Variants in CD48 observed in about 807,000 individuals in gnomAD.
CD48 encodes CD48 antigen.
A neutral mutation model predicts 22.0 loss-of-function variants in CD48; 20 were observed. The observed-to-expected ratio is 0.91, with a 90% CI of 0.64 to 1.32. The LOEUF is 1.32. Among genes scored for constraint, CD48 ranks in the 40% most tolerant of loss-of-function variants. The probability of loss-of-function intolerance (pLI) is 0.00; values close to 1 mark genes in which losing one functional copy is unlikely to be tolerated. For synonymous variants in CD48, 110 were observed against 110.1 expected (o/e 1.00, Z 0.01); for missense variants, 307 against 286.5 (o/e 1.07, Z -0.52).
intron 1 of CD48, chr1:160,686,559 C>T (rs886955797): frequency 1.3e-5 from 2 of 152,170 alleles, no homozygotes; most frequent in African/African-American, 4.8e-5. Flanking sequence ...AAGCAGCTAT[C>T]GGGGAATCTG....
At chr1:160,681,070 C>A (rs1272296781) in intron 3 of CD48, 132 bp downstream of exon 3, 1 of 1,529,586 alleles carries the variant, frequency 6.5e-7, no homozygotes, top group Non-Finnish European at 8.8e-7. Context: ...CCACGTCTCC[C>A]AGCTCTCCCA....
intron 1 of CD48, among the ~76,000 whole-genome samples, chr1:160,692,616 C>A (rs1662264434): frequency 6.6e-6 from 1 of 152,090 alleles, no homozygotes; most frequent in Non-Finnish European, 1.5e-5. Context: ...GGGAGCCATA[C>A]CCTCAGCCGC....
intron 1 of CD48, among the ~76,000 whole-genome samples, chr1:160,696,644 A>T (rs1404037975): frequency 6.6e-6 from 1 of 151,500 alleles, no homozygotes; most frequent in African/African-American, 2.4e-5. Flanking sequence ...GTTAACCCAG[A>T]GGTCTGTGTC....
chr1:160,708,806 T>C (rs942661807), intron 1 of CD48, among the ~76,000 whole-genome samples: 10 of 152,136 alleles, frequency 6.6e-5, no homozygotes, highest in African/African-American at 2.2e-4. Context: ...CACCTTGAAA[T>C]TGAGTAGGCT....
chr1:160,710,410 C>T (rs1467638697), intron 1 of CD48, among the ~76,000 whole-genome samples: 1 of 152,098 alleles, frequency 6.6e-6, no homozygotes, highest in Non-Finnish European at 1.5e-5. Flanking sequence ...GTGTTATAAC[C>T]CAGGTTTACT....
chr1:160,698,178 T>A (rs889201321), intron 1 of CD48, among the ~76,000 whole-genome samples: 2 of 152,160 alleles, frequency 1.3e-5, no homozygotes, highest in Non-Finnish European at 2.9e-5. Context: ...GGAAATATAG[T>A]TATTAAACCA....
chr1:160,706,312 G>T (rs1157513130), intron 1 of CD48, among the ~76,000 whole-genome samples: 1 of 152,128 alleles, frequency 6.6e-6, no homozygotes, highest in East Asian at 1.9e-4. Context: ...GACCTCAGGT[G>T]ATCCACCTGC....
intron 1 of CD48, among the ~76,000 whole-genome samples, chr1:160,697,937 T>C (rs1015387431): frequency 1.6e-4 from 25 of 152,128 alleles, no homozygotes; most frequent in African/African-American, 5.6e-4. Flanking sequence ...CCTTTGGGAA[T>C]GGGAAGAAAA....
rs568526088 is a variant in CD48, at chr1:160,678,858, T to A, written c.*194A>T. On this transcript the variant is annotated 3_prime_UTR_variant, in exon 4 of 4. Coordinates refer to ENST00000368046, the MANE Select transcript of CD48 (RefSeq NM_001778.4). ...AAGCATGTGTATCTCTATATCTCTG[T>A]GTACTAGAAAACAACAAAGGGATAT... The A allele has an allele frequency of 3.3e-5, 18 of 548,062 alleles. No homozygotes were observed. The highest frequency in any genetic ancestry group is 2.3e-5 in the Non-Finnish European group (7 of 306,618). 33.9% of individuals were successfully genotyped at this position (548,062 alleles called of 1,614,324 possible).
At chr1:160,691,143 T>G (rs4263943) in intron 1 of CD48, among the ~76,000 whole-genome samples, 44,710 of 151,926 alleles carry the variant, frequency 0.29, 7,260 homozygotes, top group Non-Finnish European at 0.38. Flanking sequence ...CCCCATGTGA[T>G]AGTCTGAAAT....
intron 1 of CD48, among the ~76,000 whole-genome samples, chr1:160,699,930 TTGTCTC>T (rs1662573374): frequency 6.6e-6 from 1 of 151,826 alleles, no homozygotes; most frequent in South Asian, 2.1e-4. Context: ...TCTCTATACT[TTGTCTC>T]TGTGTCTTTT....
intron 1 of CD48, among the ~76,000 whole-genome samples, chr1:160,702,448 T>A (rs1156437255): frequency 6.6e-6 from 1 of 152,138 alleles, no homozygotes; most frequent in African/African-American, 2.4e-5. Flanking sequence ...TCCTATTTGA[T>A]GTCGGGTCCA....
At chr1:160,698,067 T>A (rs1263275770) in intron 1 of CD48, among the ~76,000 whole-genome samples, 1 of 152,202 alleles carries the variant, frequency 6.6e-6, no homozygotes, top group African/African-American at 2.4e-5. Flanking sequence ...AATCAAACTT[T>A]AGAAACAAGA....
At chr1:160,708,047 G>T (rs892851674) in intron 1 of CD48, among the ~76,000 whole-genome samples, 1 of 152,190 alleles carries the variant, frequency 6.6e-6, no homozygotes, top group Non-Finnish European at 1.5e-5. Context: ...GGAATGCTTA[G>T]AGGGCATATA....
At chr1:160,700,495 T>C (rs1662592906) in intron 1 of CD48, among the ~76,000 whole-genome samples, 3 of 152,128 alleles carry the variant, frequency 2.0e-5, no homozygotes. Context: ...CTCCACTAAA[T>C]CATTATGTTG....
chr1:160,698,207 T>C (rs1044382738), intron 1 of CD48, among the ~76,000 whole-genome samples: 2 of 152,184 alleles, frequency 1.3e-5, no homozygotes, highest in Admixed American at 1.3e-4. Context: ...AACTATAACC[T>C]GTGAAAATTG....
At chr1:160,710,254 T>G (rs2102445242) in intron 1 of CD48, among the ~76,000 whole-genome samples, 1 of 152,332 alleles carries the variant, frequency 6.6e-6, no homozygotes, top group South Asian at 2.1e-4. Context: ...CAAGACAGTA[T>G]TCTCATCTGA....
intron 1 of CD48, among the ~76,000 whole-genome samples, chr1:160,689,784 A>G (rs943105173): frequency 6.6e-6 from 1 of 152,126 alleles, no homozygotes; most frequent in Non-Finnish European, 1.5e-5. Flanking sequence ...TCTGGTGGGT[A>G]CCTAGACATG....
intron 3 of CD48, among the ~76,000 whole-genome samples, chr1:160,679,397 A>G (rs1661717885): frequency 6.6e-6 from 1 of 152,186 alleles, no homozygotes; most frequent in African/African-American, 2.4e-5. Context: ...GTGGCCTGGG[A>G]AAGCATTGCT....
Sources: allele counts gnomAD v4.1 joint callset (sites outside exome capture counted in the v4.1 genomes callset), GRCh38; gene constraint gnomAD v4.1.1; transcripts MANE v1.5; gene names NCBI Gene and HGNC (gene_info 2026-07-23, HGNC 2026-07-21).